The following ZDHHC11B variants were observed in gnomAD, a reference collection of about 807,000 sequenced individuals.
ZDHHC11B encodes probable palmitoyltransferase ZDHHC11B.
A neutral mutation model predicts 42.3 loss-of-function variants in ZDHHC11B; 17 were observed. That is an observed-to-expected ratio of 0.40 (90% CI 0.27 to 0.60). The LOEUF is 0.60. Among genes scored for constraint, ZDHHC11B ranks in the 20% least tolerant of loss-of-function variants. ZDHHC11B has a pLI of 0.41. For synonymous variants in ZDHHC11B, 123 were observed against 193.5 expected (o/e 0.64, Z 3.02); for missense variants, 262 against 463.2 (o/e 0.57, Z 3.99).
chr5:774,451 G>A (rs1194683095), intron 1 of ZDHHC11B, among the ~76,000 whole-genome samples: 1 of 151,518 alleles, frequency 6.6e-6, no homozygotes, highest in Admixed American at 6.6e-5. Context: ...CTAGGACCAG[G>A]GGCCTGTCAG....
chr5:743,866 G>T (rs1460496507), intron 9 of ZDHHC11B, among the ~76,000 whole-genome samples: 1 of 149,652 alleles, frequency 6.7e-6, no homozygotes, highest in Non-Finnish European at 1.5e-5. Flanking sequence ...TCCCTGCTGC[G>T]CTGGGCTGGC....
Position 733,856 on chromosome 5 carries a change from G to A in ZDHHC11B, c.936-17C>T, listed in dbSNP as rs1458600228. On this transcript the variant is annotated splice_polypyrimidine_tract_variant and intron_variant, in intron 10 of 13. Coordinates refer to ENST00000508859, the MANE Select transcript of ZDHHC11B (RefSeq NM_001351303.2). ...GCCTTGACTCTGGTGGGACAGGAAG[G>A]AGGAGAGAAACTCATCTCAGCTTTG... 19 of 1,599,094 alleles carry A rather than the reference G, an allele frequency of 1.2e-5. No homozygotes were observed. Among genetic ancestry groups the A allele is most frequent in the Non-Finnish European group, 1.6e-5 (19 of 1,172,986 alleles).
In ZDHHC11B at chr5:778,035, C is replaced by G. The variant is rs1736687523; in HGVS notation, c.-230+6633G>C. Among the ~76,000 whole-genome samples the G allele has an allele frequency of 1.3e-5, 2 of 152,010 alleles. 1 individual carries two copies. Among genetic ancestry groups the G allele is most frequent in the Admixed American group, 1.3e-4 (2 of 15,268 alleles). ...AGGCGGGCTGGCAGTGCTGGGGGAC[C>G]CGGCGCACCTCCGCAGCCACCGTAG... On this transcript the variant is annotated intron_variant, in intron 1 of 13. Coordinates refer to ENST00000508859, the MANE Select transcript of ZDHHC11B (RefSeq NM_001351303.2).
Position 748,369 on chromosome 5 carries a change from T to C in ZDHHC11B, c.784+35A>G, listed in dbSNP as rs778473305. On this transcript the variant is annotated intron_variant, in intron 8 of 13. Coordinates refer to ENST00000508859, the MANE Select transcript of ZDHHC11B (RefSeq NM_001351303.2). ...GATGAGCAGCTCTGACCAACCAGGC[T>C]TGGGGGGATCGGGGGCTTAGGGTGG... 2.5e-4 allele frequency: 283 copies of C among 1,148,650 alleles called. 56 individuals carry two copies. Among genetic ancestry groups the C allele is most frequent in the African/African-American group, 4.8e-4 (32 of 66,904 alleles). The allele number at this position is 1,148,650 out of a possible 1,614,324, so 71.2% of individuals were successfully genotyped here. A position where few individuals can be genotyped will look rare whatever the true frequency, so the allele number is the denominator to read the frequency against.
At chr5:717,370 G>T (rs1244114223) in intron 12 of ZDHHC11B, among the ~76,000 whole-genome samples, 1 of 151,706 alleles carries the variant, frequency 6.6e-6, no homozygotes, top group East Asian at 1.9e-4. Flanking sequence ...TTGTTTATGT[G>T]TGCTGGGCAG....
intron 12 of ZDHHC11B, among the ~76,000 whole-genome samples, chr5:719,002 G>C (rs655066): frequency 6.6e-6 from 1 of 151,872 alleles, no homozygotes; most frequent in Non-Finnish European, 1.5e-5. Context: ...GGAAGATTTA[G>C]AGAGACACAC....
At chr5:730,521 A>G in intron 11 of ZDHHC11B, 53 bp from the exon 12 acceptor site, 1 of 1,517,690 alleles carries the variant, frequency 6.6e-7, no homozygotes, top group Non-Finnish European at 8.8e-7. Context: ...CCTTGTTGAC[A>G]TTAAACTTAT....
rs1431581042 is a variant in ZDHHC11B, at chr5:733,634, T to C, written c.1023+118A>G. On this transcript the variant is annotated intron_variant, in intron 11 of 13. Coordinates refer to ENST00000508859, the MANE Select transcript of ZDHHC11B (RefSeq NM_001351303.2). ...CATCATTCCCATGTGAGCAGCACCC[T>C]TGGACACAGAGTGCTTCTATTCTGA... The C allele has an allele frequency of 8.9e-6, 8 of 895,096 alleles. No homozygotes were observed. The Admixed American group carries it at 1.7e-4, about 19-fold the overall frequency. The allele number at this position is 895,096 out of a possible 1,614,324, so 55.4% of individuals were successfully genotyped here. A position where few individuals can be genotyped will look rare whatever the true frequency, so the allele number is the denominator to read the frequency against.
intron 1 of ZDHHC11B, among the ~76,000 whole-genome samples, chr5:780,215 C>A (rs922381176): frequency 1.3e-5 from 2 of 151,204 alleles, no homozygotes; most frequent in African/African-American, 4.9e-5. Context: ...CACACTAGAT[C>A]CCAGACTCAA....
chr5:759,231 GC>G (rs1346438199), intron 4 of ZDHHC11B, among the ~76,000 whole-genome samples: 7 of 151,920 alleles, frequency 4.6e-5, no homozygotes, highest in African/African-American at 1.7e-4. Flanking sequence ...AATAAACGGC[GC>G]CGCAGCGCCA....
chr5:716,609 C>T (rs1466154943), intron 13 of ZDHHC11B, among the ~76,000 whole-genome samples, 192 bp downstream of exon 13: 1 of 151,826 alleles, frequency 6.6e-6, no homozygotes, highest in Non-Finnish European at 1.5e-5. Flanking sequence ...TCTCACAGCT[C>T]GGCTGCCATG....
intron 4 of ZDHHC11B, 141 bp downstream of exon 4, chr5:766,557 G>T: frequency 1.0e-6 from 1 of 987,858 alleles, no homozygotes; most frequent in Non-Finnish European, 1.5e-6. Context: ...GGGCCCACCT[G>T]CAGGCTCGGG....
chr5:746,293 T>A (rs1361123805), intron 8 of ZDHHC11B, among the ~76,000 whole-genome samples: 1 of 146,930 alleles, frequency 6.8e-6, no homozygotes, highest in Non-Finnish European at 1.5e-5. Flanking sequence ...GTGGGCACCC[T>A]GGGGAGCTGC....
chr5:730,343 A>G (rs1742925334), intron 12 of ZDHHC11B, 91 bp downstream of exon 12: 1 of 1,405,252 alleles, frequency 7.1e-7, no homozygotes, highest in Non-Finnish European at 9.6e-7. Flanking sequence ...ATATTTGAAC[A>G]TGTTAAATAG....
chr5:718,082 G>T (rs926584658), intron 12 of ZDHHC11B, among the ~76,000 whole-genome samples: 6 of 151,988 alleles, frequency 3.9e-5, no homozygotes, highest in East Asian at 1.9e-4. Flanking sequence ...AAAAAGAAAA[G>T]AAAATATTAA....
chr5:769,978 GCCGTCCA>G (rs1461647298), intron 1 of ZDHHC11B, among the ~76,000 whole-genome samples: 2 of 151,866 alleles, frequency 1.3e-5, no homozygotes, highest in African/African-American at 4.8e-5. Flanking sequence ...CCGCGAGACG[GCCGTCCA>G]CACCACTCGG....
At chr5:761,595 G>A (rs1734619532) in intron 4 of ZDHHC11B, among the ~76,000 whole-genome samples, 1 of 151,920 alleles carries the variant, frequency 6.6e-6, no homozygotes, top group African/African-American at 2.4e-5. Context: ...GGGGCGCAAG[G>A]CTGGCAGTGT....
At chr5:752,307 T>C (rs371161) in intron 6 of ZDHHC11B, among the ~76,000 whole-genome samples, 43,519 of 72,490 alleles carry the variant, frequency 0.6, 17,847 homozygotes, top group African/African-American at 0.93. Context: ...CCAAGGGTCT[T>C]GTGCAAATCT....
intron 11 of ZDHHC11B, chr5:732,771 T>A: frequency 3.0e-6 from 1 of 336,744 alleles, no homozygotes; most frequent in Non-Finnish European, 5.9e-6. Flanking sequence ...GGCTCACGCC[T>A]CTAATCCCTG....
Sources: allele counts gnomAD v4.1 joint callset (sites outside exome capture counted in the v4.1 genomes callset), GRCh38; gene constraint gnomAD v4.1.1; transcripts MANE v1.5; gene names NCBI Gene and HGNC (gene_info 2026-07-23, HGNC 2026-07-21).